The following MAML3 variants were observed in gnomAD, a reference collection of about 807,000 sequenced individuals.
MAML3 encodes the protein mastermind like transcriptional coactivator 3.
A neutral mutation model predicts 101.9 loss-of-function variants in MAML3; 27 were observed. The observed-to-expected ratio is 0.27, with a 90% CI of 0.20 to 0.37. The LOEUF is 0.37. MAML3 is among the 10% of genes least tolerant of loss of function. The pLI is 1.00. For missense variants in MAML3, 1,316 were observed against 1,444.9 expected (o/e 0.91, Z 1.45); for synonymous variants, 501 against 555.9 (o/e 0.90, Z 1.39).
intron 2 of MAML3, among the ~76,000 whole-genome samples, chr4:139,856,434 C>CT (rs895793723): frequency 7.2e-5 from 11 of 152,202 alleles, no homozygotes; most frequent in African/African-American, 1.7e-4. Flanking sequence ...CAGCGACTGA[C>CT]TTTAACTCTC....
chr4:139,807,560 GC>G (rs1730722661), intron 2 of MAML3, among the ~76,000 whole-genome samples: 2 of 152,146 alleles, frequency 1.3e-5, no homozygotes, highest in African/African-American at 4.8e-5. Flanking sequence ...ACCAAGGATG[GC>G]CTGAGCTCAG....
intron 1 of MAML3, among the ~76,000 whole-genome samples, chr4:139,902,271 A>ACGCGCG (rs372725858): frequency 2.2e-5 from 3 of 134,006 alleles, no homozygotes; most frequent in Non-Finnish European, 5.0e-5. Context: ...ACGCACACAC[A>ACGCGCG]CACGCACACA....
At chr4:139,950,455 C>CT (rs1341225544) in intron 1 of MAML3, among the ~76,000 whole-genome samples, 29 of 152,306 alleles carry the variant, frequency 1.9e-4, no homozygotes, top group African/African-American at 7.0e-4. Flanking sequence ...TCTTTATCCT[C>CT]TATTTGTTCT....
At chr4:139,770,594 C>T (rs1276556379) in intron 2 of MAML3, among the ~76,000 whole-genome samples, 1 of 152,134 alleles carries the variant, frequency 6.6e-6, no homozygotes, top group African/African-American at 2.4e-5. Flanking sequence ...GCGAGGCAGG[C>T]GCTCAGTTGG....
chr4:140,099,068 C>A (rs1335306563), intron 1 of MAML3, among the ~76,000 whole-genome samples: 1 of 151,970 alleles, frequency 6.6e-6, no homozygotes, highest in Non-Finnish European at 1.5e-5. Flanking sequence ...AGTTATGAGG[C>A]CAAGAATAAT....
chr4:139,912,797 T>C (rs1160733617), intron 1 of MAML3, among the ~76,000 whole-genome samples: 1 of 152,258 alleles, frequency 6.6e-6, no homozygotes. Context: ...AAGGATTCTC[T>C]GCAGAGTCTC....
chr4:139,915,838 G>A (rs1311808183), intron 1 of MAML3, among the ~76,000 whole-genome samples: 2 of 152,034 alleles, frequency 1.3e-5, no homozygotes, highest in Admixed American at 6.6e-5. Flanking sequence ...GAATTCCTCC[G>A]GAATCACTCT....
At chr4:140,081,017 A>G (rs1007640420) in intron 1 of MAML3, among the ~76,000 whole-genome samples, 3 of 152,162 alleles carry the variant, frequency 2.0e-5, no homozygotes, top group African/African-American at 4.8e-5. Flanking sequence ...TCTTCCCCCT[A>G]ACCCCCATGC....
chr4:139,860,036 C>T (rs1226622311), intron 2 of MAML3, among the ~76,000 whole-genome samples: 1 of 152,168 alleles, frequency 6.6e-6, no homozygotes, highest in Non-Finnish European at 1.5e-5. Context: ...CAGGCGCGGG[C>T]CTCAGCGAGA....
intron 2 of MAML3, among the ~76,000 whole-genome samples, chr4:139,733,031 T>A (rs189322854): frequency 2.6e-4 from 39 of 152,316 alleles, no homozygotes; most frequent in Non-Finnish European, 4.9e-4. Context: ...GCCTAGATAT[T>A]TCAGGGTCTT....
At chr4:139,942,301 A>G (rs1161849440) in intron 1 of MAML3, among the ~76,000 whole-genome samples, 3 of 152,190 alleles carry the variant, frequency 2.0e-5, no homozygotes, top group African/African-American at 7.2e-5. Context: ...AGCCCAGCTA[A>G]GAGATTTAGG....
chr4:139,990,976 C>T lies in MAML3; in HGVS notation c.469-100009G>A, dbSNP rs148022782. Among the ~76,000 whole-genome samples the T allele has an allele frequency of 8.4e-3, 1,275 of 152,244 alleles. 22 individuals are homozygous for T. Among genetic ancestry groups the T allele is most frequent in the African/African-American group, 0.03 (1,248 of 41,536 alleles). Reference sequence around the variant, plus strand: ...AATAACACGAAAATGGTCATACTGCCCAAGGTAATTTACAGATTCAATGCC... The same window carrying T: ...AATAACACGAAAATGGTCATACTGCTCAAGGTAATTTACAGATTCAATGCC... On this transcript the variant is annotated intron_variant, in intron 1 of 4. Coordinates refer to ENST00000509479, the MANE Select transcript of MAML3 (RefSeq NM_018717.5).
In MAML3 at chr4:140,010,819, G is replaced by A. The variant is rs145404119; in HGVS notation, c.469-119852C>T. ...AATGATCCCATTAAACAATATACAT[G>A]AGGCCAGCCGCAGTGGCTCAAGCCT... On this transcript the variant is annotated intron_variant, in intron 1 of 4. Transcript: ENST00000509479. Among the ~76,000 whole-genome samples the A allele has an allele frequency of 1.7e-3, 262 of 151,978 alleles. 1 individual carries two copies. Among genetic ancestry groups the A allele is most frequent in the African/African-American group, 5.9e-3 (245 of 41,474 alleles).
chr4:140,152,293 G>A (rs1729187055), intron 1 of MAML3, among the ~76,000 whole-genome samples: 1 of 152,206 alleles, frequency 6.6e-6, no homozygotes, highest in Admixed American at 6.5e-5. Flanking sequence ...AGCCCAAAGG[G>A]GGTGAGCTGG....
chr4:140,063,208 A>G (rs937170650), intron 1 of MAML3, among the ~76,000 whole-genome samples: 1 of 152,204 alleles, frequency 6.6e-6, no homozygotes, highest in African/African-American at 2.4e-5. Context: ...ACCTATTTTT[A>G]TTAATATCTC....
intron 2 of MAML3, among the ~76,000 whole-genome samples, chr4:139,807,561 C>A (rs1307097305): frequency 1.3e-5 from 2 of 152,158 alleles, no homozygotes; most frequent in African/African-American, 4.8e-5. Context: ...CCAAGGATGG[C>A]CTGAGCTCAG....
At chr4:139,736,690 T>A (rs1410024765) in intron 2 of MAML3, among the ~76,000 whole-genome samples, 1 of 152,170 alleles carries the variant, frequency 6.6e-6, no homozygotes, top group Non-Finnish European at 1.5e-5. Context: ...TCAAATGCAT[T>A]AGTCCCCACC....
intron 1 of MAML3, chr4:140,133,091 T>C (rs1484234665): frequency 6.7e-6 from 3 of 448,380 alleles, no homozygotes; most frequent in African/African-American, 6.0e-5. Context: ...AAGGAGCCAC[T>C]ATGTGCTGTT....
At chr4:140,011,691 T>A (rs1578642119) in intron 1 of MAML3, among the ~76,000 whole-genome samples, 1 of 152,126 alleles carries the variant, frequency 6.6e-6, no homozygotes, top group Non-Finnish European at 1.5e-5. Flanking sequence ...GGTGAACTAA[T>A]GGCCTTAATG....
Sources: allele counts gnomAD v4.1 joint callset (sites outside exome capture counted in the v4.1 genomes callset), GRCh38; gene constraint gnomAD v4.1.1; transcripts MANE v1.5; gene names NCBI Gene and HGNC (gene_info 2026-07-23, HGNC 2026-07-21).